The following PLEKHM3 variants were observed in gnomAD, a reference collection of about 807,000 sequenced individuals.
PLEKHM3 encodes pleckstrin homology domain-containing family M member 3.
Under a neutral mutation model 81.8 loss-of-function variants are expected in PLEKHM3, and 45 were observed. The ratio of observed to expected loss-of-function variants is 0.55; its 90% CI spans 0.43 to 0.71. PLEKHM3 has a LOEUF of 0.71. Among genes scored for constraint, PLEKHM3 ranks in the 30% least tolerant of loss-of-function variants. PLEKHM3 has a pLI of 0.00. For synonymous variants in PLEKHM3, 352 were observed against 356.4 expected (o/e 0.99, Z 0.14); for missense variants, 788 against 924.3 (o/e 0.85, Z 1.91).
intron 5 of PLEKHM3, among the ~76,000 whole-genome samples, chr2:207,918,980 G>A (rs891602967): frequency 2.0e-5 from 3 of 152,104 alleles, no homozygotes; most frequent in Non-Finnish European, 4.4e-5. Flanking sequence ...AGTAAGCAGA[G>A]AAAGAAGACA....
Position 207,953,391 on chromosome 2 carries a change from T to A in PLEKHM3, c.1547-6879A>T, listed in dbSNP as rs201534494. 3.7e-3 allele frequency among the ~76,000 whole-genome samples: 126 copies of A among 33,668 alleles called. 1 individual carries two copies. Among genetic ancestry groups the A allele is most frequent in the African/African-American group, 8.0e-3 (112 of 13,940 alleles). The allele number at this position is 33,668 out of a possible 152,430, so 22.1% of individuals were successfully genotyped here. A position where few individuals can be genotyped will look rare whatever the true frequency, so the allele number is the denominator to read the frequency against. On this transcript the variant is annotated intron_variant, in intron 3 of 7. Transcript: ENST00000427836. ...AAAAATTCATTTCTGTTCATCAGAA[T>A]TTTTTTTTTCTGATGGGCTTCGTTT...
At chr2:207,932,359 G>C (rs1689624291) in intron 4 of PLEKHM3, among the ~76,000 whole-genome samples, 1 of 152,304 alleles carries the variant, frequency 6.6e-6, no homozygotes, top group East Asian at 1.9e-4. Flanking sequence ...ATCACTGACA[G>C]TGAGATGTAG....
At chr2:207,918,444 C>T in intron 5 of PLEKHM3, among the ~76,000 whole-genome samples, 1 of 152,138 alleles carries the variant, frequency 6.6e-6, no homozygotes, top group Admixed American at 6.5e-5. Context: ...ATGGCATGAA[C>T]CTGGGAGGCG....
At chr2:207,929,454 C>A (rs979282531) in intron 5 of PLEKHM3, among the ~76,000 whole-genome samples, 1 of 152,182 alleles carries the variant, frequency 6.6e-6, no homozygotes, top group Non-Finnish European at 1.5e-5. Flanking sequence ...TCTAGAAATA[C>A]AGGCACAAGA....
At chr2:207,957,155 A>T (rs996252604) in intron 3 of PLEKHM3, among the ~76,000 whole-genome samples, 6 of 152,134 alleles carry the variant, frequency 3.9e-5, no homozygotes, top group African/African-American at 1.4e-4. Flanking sequence ...AGAAAATGCT[A>T]TTTGAAGCAT....
chr2:207,979,536 GAA>G (rs796407911), intron 2 of PLEKHM3, among the ~76,000 whole-genome samples: 1 of 105,100 alleles, frequency 9.5e-6, no homozygotes. Context: ...CGCCGTCTCA[GAA>G]AAAAAAAAAA....
At chr2:207,943,664 C>A (rs551872075) in intron 4 of PLEKHM3, among the ~76,000 whole-genome samples, 211 of 151,852 alleles carry the variant, frequency 1.4e-3, no homozygotes, top group African/African-American at 4.7e-3. Flanking sequence ...GTCAGGAGAT[C>A]GAGACCATCC....
At chr2:207,851,293 GCTTTC>G in intron 7 of PLEKHM3, 2 of 152,134 alleles carry the variant, frequency 1.3e-5, no homozygotes, top group East Asian at 3.9e-4. Context: ...CCAAGGCTGT[GCTTTC>G]CTTGTAGTCC....
Position 207,946,522 on chromosome 2 carries a change from G to A in PLEKHM3, c.1547-10C>T, listed in dbSNP as rs780314913. 1 of 1,609,266 alleles carries A rather than the reference G, an allele frequency of 6.2e-7. No homozygotes were observed. Among genetic ancestry groups the A allele is most frequent in the Non-Finnish European group, 8.5e-7 (1 of 1,178,494 alleles). On this transcript the variant is annotated splice_polypyrimidine_tract_variant and intron_variant, in intron 3 of 7. Coordinates refer to ENST00000427836, the MANE Select transcript of PLEKHM3 (RefSeq NM_001080475.3). ...ATGGATCGCTGGCAGCCTGTTCAAG[G>A]AAAAAGGAAGAGTCTATGATTGCTG...
Position 207,976,786 on chromosome 2 carries a change from TC to T in PLEKHM3, c.1410del (p.Asn471ThrfsTer20). The part of the protein sequence containing the change: ...SSEQNLQVTL[R>X]NKPKDQMGGH... ...CCACCCATTTGATCCTTGGGTTTGT[TC>T]CTCAGTGTGACTTGCAGGTTTTGCT... On this transcript the variant is annotated frameshift_variant, in exon 3 of 8. Coordinates refer to ENST00000427836, the MANE Select transcript of PLEKHM3 (RefSeq NM_001080475.3). LOFTEE classifies it high-confidence loss of function. The surrounding 1 kb of genome is among the most constrained non-coding windows in gnomAD (Gnocchi z 4.1). 1 of 1,614,254 alleles carries T rather than the reference TC, an allele frequency of 6.2e-7. No individual in the cohort carries two copies. Among genetic ancestry groups the T allele is most frequent in the Non-Finnish European group, 8.5e-7 (1 of 1,180,044 alleles).
chr2:207,927,077 G>A (rs115739198), intron 5 of PLEKHM3, among the ~76,000 whole-genome samples: 2,722 of 152,178 alleles, frequency 0.018, 32 homozygotes, highest in Middle Eastern at 0.054. Context: ...TGCCTTTTAC[G>A]ACTAGATAAG....
rs1281939036 is a variant in PLEKHM3 at position 207,826,705 on chromosome 2, GA to G, written c.*1613del. On this transcript the variant is annotated 3_prime_UTR_variant, in exon 8 of 8. Transcript: ENST00000427836. Reference sequence around the variant, plus strand: ...GGTCTTGGGGAAGCGGCGTGTGGGGGAAAGGAGCAATGGGGTTGAATGTACC... The same window carrying G: ...GGTCTTGGGGAAGCGGCGTGTGGGGGAAGGAGCAATGGGGTTGAATGTACC... The G allele has an allele frequency of 1.3e-5, 2 of 152,146 alleles. No individual in the cohort carries two copies. The highest frequency in any genetic ancestry group is 4.8e-5 in the African/African-American group (2 of 41,406). 9.4% of individuals were successfully genotyped at this position (152,146 alleles called of 1,614,324 possible).
At chr2:207,908,034 T>C (rs1029016562) in intron 6 of PLEKHM3, among the ~76,000 whole-genome samples, 1 of 152,258 alleles carries the variant, frequency 6.6e-6, no homozygotes, top group Non-Finnish European at 1.5e-5. Context: ...CTTCTTTCTA[T>C]GGCAGAATAA....
In PLEKHM3 at chr2:207,822,785, G is replaced by A. The variant is rs1352239672; in HGVS notation, c.*5534C>T. ...CAGATTTAGTTGAAGGGTCCTGCAG[G>A]CTTCAAGTGGTTCAGACTAGACTAG... On this transcript the variant is annotated 3_prime_UTR_variant, in exon 8 of 8. Coordinates refer to ENST00000427836, the MANE Select transcript of PLEKHM3 (RefSeq NM_001080475.3). 3 of 152,296 alleles carry A rather than the reference G, an allele frequency of 2.0e-5. No individual in the cohort carries two copies. The highest frequency in any genetic ancestry group is 4.4e-5 in the Non-Finnish European group (3 of 68,106). 9.4% of individuals were successfully genotyped at this position (152,296 alleles called of 1,614,324 possible).
chr2:207,835,678 G>A (rs2092315077), intron 7 of PLEKHM3, among the ~76,000 whole-genome samples: 1 of 152,124 alleles, frequency 6.6e-6, no homozygotes, highest in East Asian at 1.9e-4. Flanking sequence ...GATTAATCAA[G>A]CTATGAAATA....
chr2:207,898,566 C>A (rs535141735), intron 6 of PLEKHM3, among the ~76,000 whole-genome samples: 2 of 152,084 alleles, frequency 1.3e-5, no homozygotes, highest in African/African-American at 2.4e-5. Flanking sequence ...TCAGCCCGGG[C>A]GACATGGCGA....
intron 7 of PLEKHM3, among the ~76,000 whole-genome samples, chr2:207,859,136 C>CTTTTTT (rs371493664): frequency 1.1e-3 from 126 of 118,320 alleles, no homozygotes; most frequent in South Asian, 2.2e-3. Flanking sequence ...TTTTCTTTTT[C>CTTTTTT]TTTTTTTTTT....
intron 6 of PLEKHM3, among the ~76,000 whole-genome samples, chr2:207,905,868 A>G (rs975671653): frequency 1.1e-4 from 17 of 152,154 alleles, no homozygotes; most frequent in Non-Finnish European, 2.1e-4. Flanking sequence ...GGCCACCAAG[A>G]ATACCCCTGC....
At chr2:207,856,247 C>A (rs910418436) in intron 7 of PLEKHM3, among the ~76,000 whole-genome samples, 1 of 152,046 alleles carries the variant, frequency 6.6e-6, no homozygotes, top group Admixed American at 6.6e-5. Flanking sequence ...GTTGTGTTTT[C>A]TTTATTAACA....
Sources: gnomAD v4.1 joint callset for allele counts (sites outside exome capture counted in the v4.1 genomes callset) on GRCh38, gnomAD v4.1.1 for gene constraint, Gnocchi (gnomAD v3.1) non-coding constraint, MANE v1.5 for transcripts, NCBI Gene and HGNC (gene_info 2026-07-23, HGNC 2026-07-21) for gene names.